MS4A6A: variants seen among roughly 807,000 people sequenced by gnomAD.
MS4A6A encodes membrane-spanning 4-domains subfamily A member 6A.
A neutral mutation model predicts 20.6 loss-of-function variants in MS4A6A; 19 were observed. The observed-to-expected ratio is 0.92, with a 90% CI of 0.64 to 1.36. The LOEUF (loss-of-function observed/expected upper bound fraction) is 1.36, where lower values mean the gene tolerates loss of function less well. Among genes scored for constraint, MS4A6A ranks in the 40% most tolerant of loss-of-function variants. The pLI is 0.00. For synonymous variants in MS4A6A, 108 were observed against 105.0 expected, an observed-to-expected ratio of 1.03 and a Z score of -0.17; for missense variants, 272 against 261.1, an observed-to-expected ratio of 1.04 and a Z score of -0.29.
chr11:60,181,454 T>C, intron 2 of MS4A6A, 127 bp downstream of exon 2: 1 of 1,140,458 alleles, frequency 8.8e-7, no homozygotes, highest in Non-Finnish European at 1.2e-6. Context: ...AAGTGGCTTC[T>C]ACCCTAAAGT....
chr11:60,180,954 C>T (rs1331393994), intron 2 of MS4A6A: 1 of 428,532 alleles, frequency 2.3e-6, no homozygotes, highest in Non-Finnish European at 4.6e-6. Context: ...TCCTGAAATC[C>T]AGTCAAACAG....
intron 1 of MS4A6A, 82 bp from the exon 2 acceptor site, chr11:60,181,823 G>T: frequency 1.5e-6 from 2 of 1,377,534 alleles, no homozygotes; most frequent in Non-Finnish European, 2.0e-6. Flanking sequence ...CTCAGTCTTT[G>T]CCAATTAGTC....
chr11:60,172,030 G>GT (rs967626495), downstream of MS4A6A: 689 of 885,052 alleles, frequency 7.8e-4, no homozygotes, highest in Middle Eastern at 1.1e-3. Flanking sequence ...TGAAATAATG[G>GT]TTTTTTTTAA....
chr11:60,179,502 T>G (rs1857015960), intron 3 of MS4A6A: 3 of 581,322 alleles, frequency 5.2e-6, no homozygotes, highest in Non-Finnish European at 9.1e-6. Flanking sequence ...TTTTTTTTTT[T>G]GTATAAAATG....
intron 3 of MS4A6A, chr11:60,179,570 A>G (rs1251418269): frequency 1.7e-6 from 1 of 590,230 alleles, no homozygotes; most frequent in Non-Finnish European, 3.0e-6. Flanking sequence ...CCTGGAGAGA[A>G]GTCACTAGCT....
chr11:60,175,401 CAGCCAG>C lies in MS4A6A; in HGVS notation c.544_549del (p.Leu182_Ala183del). The C allele has an allele frequency of 6.2e-7, 1 of 1,610,194 alleles. No homozygotes were observed. The highest frequency in any genetic ancestry group is 2.2e-5 in the East Asian group (1 of 44,854). ...AGAACATCCCATCTAAAAATACTTA[CAGCCAG>C]ACTGGCTTTGGCTGTATAGCAGTCC... On this transcript the variant is annotated inframe_deletion and splice_region_variant, in exon 5 of 6. Transcript: ENST00000528851.
intron 1 of MS4A6A, among the ~76,000 whole-genome samples, chr11:60,182,151 A>G (rs1857167262): frequency 6.6e-6 from 1 of 152,220 alleles, no homozygotes; most frequent in Admixed American, 6.5e-5. Context: ...AATACTATTT[A>G]TTAGCACTCA....
At chr11:60,174,026 C>T (rs996606152) in intron 5 of MS4A6A, among the ~76,000 whole-genome samples, 4 of 152,156 alleles carry the variant, frequency 2.6e-5, no homozygotes, top group Admixed American at 1.3e-4. Flanking sequence ...AATGTAAAAT[C>T]GTCCCATCAT....
At position 60,172,849 on chromosome 11, in the gene MS4A6A, T is replaced by C; in HGVS notation, c.*152A>G. 1 of 1,445,580 alleles carries C rather than the reference T, an allele frequency of 6.9e-7. No individual in the cohort carries two copies. Among genetic ancestry groups the C allele is most frequent in the Non-Finnish European group, 9.1e-7 (1 of 1,097,228 alleles). The allele number at this position is 1,445,580 out of a possible 1,614,324, so 89.5% of individuals were successfully genotyped here. On this transcript the variant is annotated 3_prime_UTR_variant, in exon 6 of 6. Transcript: ENST00000528851. ...TCATATCCAGTGAATTTTCAGCTTA[T>C]CAGCTACTCAATTGCCATCTGCTTT...
chr11:60,181,314 A>T, intron 2 of MS4A6A: 1 of 492,804 alleles, frequency 2.0e-6, no homozygotes, highest in South Asian at 2.3e-5. Context: ...TTGTAAAAGA[A>T]AATATAGAAA....
Position 60,175,560 on chromosome 11 carries a change from C to A in MS4A6A, c.391G>T (p.Gly131Cys), listed in dbSNP as rs750548616. 5 of 1,613,960 alleles carry A rather than the reference C, an allele frequency of 3.1e-6. No homozygotes were observed. Among genetic ancestry groups the A allele is most frequent in the Middle Eastern group, 1.7e-4 (1 of 5,908 alleles). Residue 131 changes from glycine (G) to cysteine (C), a missense_variant, in exon 5 of 6, where the codon GGT becomes TGT. Gly to Cys is a radical substitution (Grantham distance 159). Coordinates refer to ENST00000528851, the MANE Select transcript of MS4A6A (RefSeq NM_022349.4). ...SILSALSALVGFIILSVKQAT... is the reference protein window; with the variant it reads ...SILSALSALVCFIILSVKQAT... ...TGTTTGACAGACAGGATAATGAAAC[C>A]CACCAGGGCAGACAGAGCACTCAGA...
intron 4 of MS4A6A, among the ~76,000 whole-genome samples, chr11:60,177,733 G>A (rs1194738797): frequency 6.6e-6 from 1 of 152,130 alleles, no homozygotes; most frequent in African/African-American, 2.4e-5. Context: ...TCAAGGAAAA[G>A]GAAAATCTGA....
intron 3 of MS4A6A, 142 bp from the exon 4 acceptor site, chr11:60,178,458 T>C: frequency 3.2e-6 from 2 of 617,026 alleles, no homozygotes; most frequent in African/African-American, 1.9e-5. Context: ...TTTAAATACA[T>C]AGATTTGTCC....
rs780068538 is a variant in MS4A6A, at chr11:60,175,571, G to C, written c.380C>G (p.Ser127Cys). ...SLVGSILSAL[S>C]ALVGFIILSV... is the part of the protein sequence containing the mutation. ...CAGGATAATGAAACCCACCAGGGCA[G>C]ACAGAGCACTCAGAATGCTTCCAAC... The change falls in exon 5 of 6, where the codon TCT becomes TGT. Residue 127 changes from serine to cysteine, a missense_variant. Ser to Cys is a moderately radical substitution (Grantham distance 112). Transcript: ENST00000528851. The C allele has an allele frequency of 1.9e-6, 3 of 1,613,946 alleles. No homozygotes were observed. The highest frequency in any genetic ancestry group is 3.3e-5 in the Admixed American group (2 of 60,030).
chr11:60,180,413 G>C (rs563437375), intron 2 of MS4A6A: 1 of 163,792 alleles, frequency 6.1e-6, no homozygotes, highest in South Asian at 1.8e-4. Flanking sequence ...GACTCCACTG[G>C]ACATGGAGTT....
At chr11:60,172,381 G>A, downstream of MS4A6A, 3 of 1,425,576 alleles carry the variant, frequency 2.1e-6, no homozygotes, top group Non-Finnish European at 2.8e-6. Flanking sequence ...CATATCACCA[G>A]GTTCTTCAAA....
In MS4A6A at chr11:60,179,597, T is replaced by C. The variant is rs575174870; in HGVS notation, c.282+234A>G. 1.5e-4 allele frequency: 90 copies of C among 614,628 alleles called. 1 individual carries two copies. The highest frequency in any genetic ancestry group is 1.3e-3 in the African/African-American group (73 of 54,258). The allele number at this position is 614,628 out of a possible 1,614,324, so 38.1% of individuals were successfully genotyped here. Reference sequence around the variant, plus strand: ...TCACTAGCTTCATCATAGCTCAAGATGATAATGTGAAGAATAAGATGATCT... The same window carrying C: ...TCACTAGCTTCATCATAGCTCAAGACGATAATGTGAAGAATAAGATGATCT... On this transcript the variant is annotated intron_variant, in intron 3 of 5. Transcript: ENST00000528851.
chr11:60,175,744 T>C, intron 4 of MS4A6A, 133 bp from the exon 5 acceptor site: 1 of 901,754 alleles, frequency 1.1e-6, no homozygotes, highest in Non-Finnish European at 1.7e-6. Flanking sequence ...TATTGCTGTA[T>C]GCCTCTCCAG....
At chr11:60,178,391 T>G in intron 3 of MS4A6A, 75 bp from the exon 4 acceptor site, 1 of 1,187,934 alleles carries the variant, frequency 8.4e-7, no homozygotes. Flanking sequence ...ACAATGTTTA[T>G]AGACAACTCT....
Sources: allele counts gnomAD v4.1 joint callset (sites outside exome capture counted in the v4.1 genomes callset), GRCh38; gene constraint gnomAD v4.1.1; transcripts MANE v1.5; gene names NCBI Gene and HGNC (gene_info 2026-07-23, HGNC 2026-07-21).